The following STK32B variants were observed in gnomAD, a reference collection of about 807,000 sequenced individuals.
STK32B encodes the protein serine/threonine-protein kinase 32B.
STK32B carries 43 observed loss-of-function variants against 52.6 expected under a neutral mutation model. The ratio of observed to expected loss-of-function variants is 0.82; its 90% CI spans 0.64 to 1.05. STK32B has a LOEUF of 1.05. Ranked by LOEUF, STK32B falls within the 50% of genes least tolerant of loss-of-function variation. STK32B has a pLI of 0.00. For missense variants in STK32B, 621 were observed against 534.6 expected (o/e 1.16, Z -1.59); for synonymous variants, 238 against 204.3 (o/e 1.17, Z -1.41).
chr4:5,075,336 G>A (rs1712013954), intron 1 of STK32B, among the ~76,000 whole-genome samples: 1 of 152,070 alleles, frequency 6.6e-6, no homozygotes, highest in Admixed American at 6.6e-5. Flanking sequence ...TAATTTGGTG[G>A]ATTTGAAATG....
At chr4:5,020,684 AGTT>A in the STK32B span, among the ~76,000 whole-genome samples, 1 of 152,228 alleles carries the variant, frequency 6.6e-6, no homozygotes, top group East Asian at 1.9e-4. Context: ...GGCAGAGATG[AGTT>A]GGGGTCCTCA....
At chr4:5,462,972 G>A (rs944807402) in intron 9 of STK32B, among the ~76,000 whole-genome samples, 4 of 152,306 alleles carry the variant, frequency 2.6e-5, no homozygotes, top group African/African-American at 4.8e-5. Context: ...CTGCTGAGCC[G>A]GGAGTAAAGG....
At chr4:5,426,245 G>C (rs1335364179) in intron 6 of STK32B, among the ~76,000 whole-genome samples, 2 of 152,084 alleles carry the variant, frequency 1.3e-5, no homozygotes, top group Non-Finnish European at 2.9e-5. Context: ...CCAGTACTTG[G>C]TATCGTCCCA....
chr4:5,317,507 T>A (rs1238061674), intron 3 of STK32B, among the ~76,000 whole-genome samples: 1 of 102,874 alleles, frequency 9.7e-6, no homozygotes, highest in Non-Finnish European at 1.7e-5. Flanking sequence ...ATATTATATA[T>A]GTATAATATA....
At chr4:5,446,580 A>G in intron 6 of STK32B, 93 bp from the exon 7 acceptor site, 1 of 1,131,746 alleles carries the variant, frequency 8.8e-7, no homozygotes. Context: ...AAAAAAAAAA[A>G]CAAGCTCAAT....
intron 2 of STK32B, among the ~76,000 whole-genome samples, chr4:5,143,136 T>TGTCTGTCTGTCC (rs1268917392): frequency 3.6e-5 from 5 of 138,964 alleles, no homozygotes; most frequent in Non-Finnish European, 7.9e-5. Context: ...TCTGTCTATC[T>TGTCTGTCTGTCC]GTCTGTCTAT....
chr4:5,096,963 CTATT>C (rs1713437707), intron 1 of STK32B, among the ~76,000 whole-genome samples: 1 of 152,170 alleles, frequency 6.6e-6, no homozygotes, highest in Non-Finnish European at 1.5e-5. Flanking sequence ...GGAGGTAAGA[CTATT>C]TATTCTTCCT....
At chr4:5,350,846 A>G (rs185182481) in intron 4 of STK32B, among the ~76,000 whole-genome samples, 7 of 152,236 alleles carry the variant, frequency 4.6e-5, no homozygotes, top group African/African-American at 1.4e-4. Flanking sequence ...GCTCTACTAT[A>G]TCAGATAAAA....
intron 6 of STK32B, among the ~76,000 whole-genome samples, chr4:5,436,124 G>A (rs1714055815): frequency 6.6e-6 from 1 of 152,156 alleles, no homozygotes; most frequent in South Asian, 2.1e-4. Flanking sequence ...ACTGCCCTCT[G>A]GGCCAGACTG....
At chr4:5,118,137 T>A (rs1714836847) in intron 1 of STK32B, among the ~76,000 whole-genome samples, 1 of 152,200 alleles carries the variant, frequency 6.6e-6, no homozygotes, top group African/African-American at 2.4e-5. Flanking sequence ...TTGGCCCTAA[T>A]TCTTCTTTAA....
intron 6 of STK32B, among the ~76,000 whole-genome samples, chr4:5,428,507 A>G (rs1426750820): frequency 6.6e-6 from 1 of 152,238 alleles, no homozygotes; most frequent in Non-Finnish European, 1.5e-5. Flanking sequence ...TGTCATGATC[A>G]GAGAAAATAT....
intron 5 of STK32B, among the ~76,000 whole-genome samples, chr4:5,408,313 T>C (rs949124321): frequency 3.9e-5 from 6 of 152,064 alleles, no homozygotes; most frequent in Non-Finnish European, 8.8e-5. Context: ...GGTGTTCTCA[T>C]GAATGACTGA....
chr4:5,375,377 AT>A (rs1735522816), intron 4 of STK32B, among the ~76,000 whole-genome samples: 1 of 151,906 alleles, frequency 6.6e-6, no homozygotes, highest in Non-Finnish European at 1.5e-5. Flanking sequence ...AACTCCAATA[AT>A]TTGGATAGTA....
chr4:5,108,352 A>G (rs912560273), intron 1 of STK32B, among the ~76,000 whole-genome samples: 1 of 152,110 alleles, frequency 6.6e-6, no homozygotes, highest in Non-Finnish European at 1.5e-5. Flanking sequence ...ATGTACCTAC[A>G]GTTTTTTGGA....
At chr4:5,154,211 CT>C (rs3072774) in intron 2 of STK32B, among the ~76,000 whole-genome samples, 8,926 of 122,458 alleles carry the variant, frequency 0.073, 259 homozygotes, top group South Asian at 0.13. Flanking sequence ...CCTTCCATGT[CT>C]TTTTTTTTTT....
At chr4:5,322,069 C>G (rs1731540348) in intron 3 of STK32B, among the ~76,000 whole-genome samples, 1 of 149,308 alleles carries the variant, frequency 6.7e-6, no homozygotes. Context: ...CACAGTGGCT[C>G]ACACCTGTAA....
In STK32B at chr4:5,298,164, C is replaced by A. The variant is rs143152371; in HGVS notation, c.261-33056C>A. On this transcript the variant is annotated intron_variant, in intron 3 of 11. Coordinates refer to ENST00000282908, the MANE Select transcript of STK32B (RefSeq NM_018401.3). Reference sequence around the variant, plus strand: ...CTGCTCCTTCCCCTGGAAGCTTCCTCCCAGAGGGCCACCGGCCAGATGTCA... The same window carrying A: ...CTGCTCCTTCCCCTGGAAGCTTCCTACCAGAGGGCCACCGGCCAGATGTCA... Among the ~76,000 whole-genome samples the A allele has an allele frequency of 3.1e-3, 479 of 152,304 alleles. 3 individuals are homozygous for A. The highest frequency in any genetic ancestry group is 0.011 in the African/African-American group (451 of 41,570).
rs1560312558 is a variant in STK32B, at chr4:5,317,042, T to TATATATAATATATATGATATAATATATA, written c.261-14171_261-14170insATATATATGATATAATATATAATATATA. Among the ~76,000 whole-genome samples, 8 of 18,768 alleles carry TATATATAATATATATGATATAATATATA rather than the reference T, an allele frequency of 4.3e-4. 1 individual carries two copies. The African/African-American group carries it at 5.3e-3, about 12-fold the overall frequency. The allele number at this position is 18,768 out of a possible 152,430, so 12.3% of individuals were successfully genotyped here. On this transcript the variant is annotated intron_variant, in intron 3 of 11. Transcript: ENST00000282908. Reference sequence around the variant, plus strand: ...ATATAATATATATGATATAATATATTATATATATAATATATATGATATAAT... The same window carrying TATATATAATATATATGATATAATATATA: ...ATATAATATATATGATATAATATATTATATATAATATATATGATATAATATATAATATATATAATATATATGATATAAT...
chr4:5,193,112 T>C (rs1350255451), intron 3 of STK32B, among the ~76,000 whole-genome samples: 2 of 152,072 alleles, frequency 1.3e-5, no homozygotes, highest in South Asian at 2.1e-4. Flanking sequence ...CCTGGGGGAA[T>C]GAGGGCAGAG....
Sources: gnomAD v4.1 joint callset for allele counts (sites outside exome capture counted in the v4.1 genomes callset) on GRCh38, gnomAD v4.1.1 for gene constraint, MANE v1.5 for transcripts, NCBI Gene and HGNC (gene_info 2026-07-23, HGNC 2026-07-21) for gene names.